The following CLMN variants were observed in gnomAD, a reference collection of about 807,000 sequenced individuals.
CLMN encodes calmin (calponin-like, transmembrane).
A neutral mutation model predicts 92.7 loss-of-function variants in CLMN; 57 were observed. The observed-to-expected ratio is 0.61, with a 90% CI of 0.50 to 0.77. The LOEUF (loss-of-function observed/expected upper bound fraction) is 0.77. Ranked by LOEUF, CLMN falls within the 30% of genes least tolerant of loss-of-function variation. CLMN has a pLI of 0.00. For missense variants in CLMN, 1,158 were observed against 1,237.5 expected (o/e 0.94, Z 0.96); for synonymous variants, 466 against 470.6 (o/e 0.99, Z 0.13).
chr14:95,218,412 G>T (rs1056640538), intron 4 of CLMN, among the ~76,000 whole-genome samples: 8 of 152,184 alleles, frequency 5.3e-5, no homozygotes, highest in Non-Finnish European at 1.2e-4. Context: ...GCTCTGTGAC[G>T]TGTGGTTGCA....
rs758382653 is a variant in CLMN at position 95,193,904 on chromosome 14, C to T, written c.2785G>A (p.Val929Ile). The change falls in exon 12 of 13, where the codon GTT (valine) becomes ATT (isoleucine). Residue 929 changes from valine to isoleucine, a missense_variant. Coordinates refer to ENST00000298912, the MANE Select transcript of CLMN (RefSeq NM_024734.4). ...RSSESDHFSY[V>I]QLRNAADLDD... The stretch of plus-strand genomic sequence containing the variant: ...AGATCTGCTGCGTTCCTCAACTGAA[C>T]ATAGCTAAAATGATCCTACAGTGAA... The T allele has an allele frequency of 2.5e-6, 4 of 1,613,856 alleles. No homozygotes were observed. In the African/African-American group the frequency reaches 4.0e-5, roughly 16 times the overall value.
intron 1 of CLMN, among the ~76,000 whole-genome samples, chr14:95,263,164 G>A (rs551358063): frequency 4.6e-4 from 70 of 152,304 alleles, no homozygotes; most frequent in African/African-American, 1.5e-3. Context: ...GTATGGCGGA[G>A]GAGGCCTCAG....
chr14:95,318,476 G>A (rs937553979), intron 1 of CLMN, among the ~76,000 whole-genome samples: 2 of 152,136 alleles, frequency 1.3e-5, no homozygotes, highest in African/African-American at 2.4e-5. Flanking sequence ...CAACCTAGGG[G>A]TGGGGCAGAC....
Position 95,213,207 on chromosome 14 carries a change from G to A in CLMN, c.608+12C>T. 2 of 1,612,494 alleles carry A rather than the reference G, an allele frequency of 1.2e-6. No homozygotes were observed. The highest frequency in any genetic ancestry group is 1.7e-6 in the Non-Finnish European group (2 of 1,179,302). On this transcript the variant is annotated intron_variant, in intron 6 of 12. Transcript: ENST00000298912. ...TAAATGAAGTAGTGTGGGGAGAGGG[G>A]CTGCGGCTTACTTTCTCGTTTTCCT...
At chr14:95,251,369 G>C (rs140854018) in intron 1 of CLMN, among the ~76,000 whole-genome samples, 1 of 152,162 alleles carries the variant, frequency 6.6e-6, no homozygotes, top group African/African-American at 2.4e-5. Context: ...AAAGGGACTC[G>C]TCTCCTAGTC....
intron 1 of CLMN, among the ~76,000 whole-genome samples, chr14:95,264,008 C>CTTTATTTATTTA (rs34763756): frequency 8.4e-4 from 121 of 143,858 alleles, no homozygotes; most frequent in Admixed American, 4.3e-3. Context: ...CACCTTATTA[C>CTTTATTTATTTA]TTTATTTATT....
At chr14:95,273,809 A>G (rs1899810258) in intron 1 of CLMN, among the ~76,000 whole-genome samples, 1 of 152,152 alleles carries the variant, frequency 6.6e-6, no homozygotes, top group East Asian at 1.9e-4. Context: ...TAGGTCAACA[A>G]TAAAAGCCAC....
intron 1 of CLMN, among the ~76,000 whole-genome samples, chr14:95,255,685 C>T (rs1210088054): frequency 6.6e-6 from 1 of 152,142 alleles, no homozygotes; most frequent in African/African-American, 2.4e-5. Flanking sequence ...TTTCACAATT[C>T]ACAAGCCACA....
chr14:95,300,816 T>C (rs1400305182), intron 1 of CLMN, among the ~76,000 whole-genome samples: 5 of 152,220 alleles, frequency 3.3e-5, no homozygotes, highest in African/African-American at 4.8e-5. Flanking sequence ...CTCCCTGCCA[T>C]GGAGCAGAGA....
intron 1 of CLMN, among the ~76,000 whole-genome samples, chr14:95,233,062 C>A (rs887232754): frequency 1.3e-5 from 2 of 152,282 alleles, no homozygotes; most frequent in Middle Eastern, 3.4e-3. Context: ...AAGGCTGTCC[C>A]GGTTTATGCT....
chr14:95,281,974 C>T (rs866859941), intron 1 of CLMN, among the ~76,000 whole-genome samples: 3 of 152,178 alleles, frequency 2.0e-5, no homozygotes, highest in Admixed American at 2.0e-4. Context: ...GAAAGAGCTG[C>T]CCTATTTTCC....
In CLMN at chr14:95,191,766, A is replaced by G; in HGVS notation, c.2841-34T>C. The G allele has an allele frequency of 6.4e-7, 1 of 1,572,446 alleles. No homozygotes were observed. Among genetic ancestry groups the G allele is most frequent in the Non-Finnish European group, 8.6e-7 (1 of 1,163,524 alleles). On this transcript the variant is annotated intron_variant, in intron 12 of 12. Transcript: ENST00000298912. This position sits in a 1 kb window ranked among gnomAD's most constrained non-coding sequence, Gnocchi z 5.3. ...GAAACACAGAGGAAACGCAGTTACC[A>G]AGCAGGTTCCCAGGAAAGTGGACCC...
chr14:95,215,100 A>G (rs943162051), intron 5 of CLMN, among the ~76,000 whole-genome samples: 1 of 152,240 alleles, frequency 6.6e-6, no homozygotes, highest in Admixed American at 6.5e-5. Flanking sequence ...AACTTAAAGT[A>G]TAACAATAAA....
chr14:95,260,230 A>G lies in CLMN; in HGVS notation c.83-30097T>C, dbSNP rs373654245. Among the ~76,000 whole-genome samples the G allele has an allele frequency of 2.0e-4, 31 of 152,310 alleles. 1 individual carries two copies. In the East Asian group the frequency reaches 4.4e-3, roughly 22 times the overall value. ...GCCGAGGCAGGCAGATCACGAGGTC[A>G]GGAGATCGAGACCATCCTGGCTAAC... On this transcript the variant is annotated intron_variant, in intron 1 of 12. Transcript: ENST00000298912.
chr14:95,259,667 AG>A lies in CLMN; in HGVS notation c.83-29535del, dbSNP rs1375980414. On this transcript the variant is annotated intron_variant, in intron 1 of 12. Coordinates refer to ENST00000298912, the MANE Select transcript of CLMN (RefSeq NM_024734.4). This position sits in a 1 kb window ranked among gnomAD's most constrained non-coding sequence, Gnocchi z 4.3. ...CCCACCCCCACCCCCAGGTGGGACC[AG>A]CACAGGGCAGATACCTGTTCTGAAC... 6.6e-6 allele frequency among the ~76,000 whole-genome samples: 1 copy of A among 152,180 alleles called. No homozygotes were observed. Among genetic ancestry groups the A allele is most frequent in the East Asian group, 1.9e-4 (1 of 5,198 alleles).
rs796101326 is a variant in CLMN, at chr14:95,186,330, C to G, written c.*5234G>C. The G allele has an allele frequency of 2.6e-5, 4 of 152,358 alleles. No individual in the cohort carries two copies. Among genetic ancestry groups the G allele is most frequent in the African/African-American group, 7.2e-5 (3 of 41,544 alleles). The allele number at this position is 152,358 out of a possible 1,614,324, so 9.4% of individuals were successfully genotyped here. On this transcript the variant is annotated 3_prime_UTR_variant, in exon 13 of 13. Transcript: ENST00000298912. ...TGGGAAGAGGGTGGGGGGAACTATG[C>G]TGAACCTCAGAAATGGAGACGCCCA...
intron 1 of CLMN, among the ~76,000 whole-genome samples, chr14:95,262,213 T>A (rs1899285622): frequency 6.6e-6 from 1 of 152,214 alleles, no homozygotes; most frequent in Non-Finnish European, 1.5e-5. Flanking sequence ...GGACTCTCAC[T>A]GAGCTGATGT....
In CLMN at chr14:95,182,147, A is replaced by ATTGT. The variant is rs1896342255; in HGVS notation, c.*9413_*9416dup. The ATTGT allele has an allele frequency of 6.6e-6, 1 of 152,246 alleles. No individual in the cohort carries two copies. The highest frequency in any genetic ancestry group is 1.5e-5 in the Non-Finnish European group (1 of 68,046). 9.4% of individuals were successfully genotyped at this position (152,246 alleles called of 1,614,324 possible). ...AATAAATAAGACGGCACATTCATAT[A>ATTGT]TTGTTTATAAAGATCTTTTTTTTTA... On this transcript the variant is annotated 3_prime_UTR_variant, in exon 13 of 13. Transcript: ENST00000298912.
chr14:95,242,250 C>CTTTT (rs371417505), intron 1 of CLMN, among the ~76,000 whole-genome samples: 39 of 92,598 alleles, frequency 4.2e-4, no homozygotes, highest in Non-Finnish European at 6.0e-4. Context: ...TTTTCTTTTT[C>CTTTT]TTTTTTTTTT....
Sources: gnomAD v4.1 joint callset for allele counts (sites outside exome capture counted in the v4.1 genomes callset) on GRCh38, gnomAD v4.1.1 for gene constraint, Gnocchi (gnomAD v3.1) non-coding constraint, MANE v1.5 for transcripts, NCBI Gene and HGNC (gene_info 2026-07-23, HGNC 2026-07-21) for gene names.